TRHDE: variants seen among roughly 807,000 people sequenced by gnomAD.
The protein encoded by TRHDE is thyrotropin-releasing hormone-degrading ectoenzyme.
Under a neutral mutation model 125.7 loss-of-function variants are expected in TRHDE, and 72 were observed. The observed-to-expected ratio is 0.57, with a 90% CI of 0.47 to 0.70. TRHDE has a LOEUF of 0.70. Among genes scored for constraint, TRHDE ranks in the 30% least tolerant of loss-of-function variants. The pLI is 0.00. For synonymous variants in TRHDE, 509 were observed against 509.1 expected (o/e 1.00, Z 0.00); for missense variants, 1,110 against 1,327.1 (o/e 0.84, Z 2.54).
At chr12:72,284,571 A>T (rs1168526716) in intron 1 of TRHDE, among the ~76,000 whole-genome samples, 1 of 152,212 alleles carries the variant, frequency 6.6e-6, no homozygotes, top group Non-Finnish European at 1.5e-5. Context: ...TATTACCATG[A>T]TACTGGCAAA....
Position 72,666,872 on chromosome 12 carries a change from AATTAT to A in TRHDE, c.*3681_*3685del, listed in dbSNP as rs1335275098. ...AATAATTTAATTCATTTAGTTTATT[AATTAT>A]ATTTCCTGTCTGTATCTTTTATTGA... On this transcript the variant is annotated 3_prime_UTR_variant, in exon 19 of 19. Transcript: ENST00000261180. The A allele has an allele frequency of 6.6e-6, 1 of 152,046 alleles. No homozygotes were observed. Among genetic ancestry groups the A allele is most frequent in the Non-Finnish European group, 1.5e-5 (1 of 67,972 alleles). The allele number at this position is 152,046 out of a possible 1,614,324, so 9.4% of individuals were successfully genotyped here. A position where few individuals can be genotyped will look rare whatever the true frequency, so the allele number is the denominator to read the frequency against.
In TRHDE at chr12:72,273,246, C is replaced by T. The variant is rs754981172; in HGVS notation, c.603C>T (p.Ala201=). ...TGCACTACAATCTGATGCTCACCGC[C>T]TTCATGGAGAACTTCACCTTCTCCG... ...KPLHYNLMLT[A]FMENFTFSGE... is the part of the protein sequence containing the mutation. Residue 201 remains alanine (A), a synonymous_variant, in exon 1 of 19, where the codon GCC becomes GCT. Transcript: ENST00000261180. The surrounding 1 kb of genome is among the most constrained non-coding windows in gnomAD (Gnocchi z 5.3). 5.6e-6 allele frequency: 9 copies of T among 1,614,030 alleles called. No individual in the cohort carries two copies. The highest frequency in any genetic ancestry group is 5.0e-5 in the Admixed American group (3 of 60,024).
At chr12:72,490,774 A>C (rs1877637689) in intron 5 of TRHDE, among the ~76,000 whole-genome samples, 1 of 149,322 alleles carries the variant, frequency 6.7e-6, no homozygotes, top group Non-Finnish European at 1.5e-5. Context: ...AAAAAAAAAC[A>C]ACCCTTGAAT....
At chr12:72,242,023 CTTTA>C (rs920406678) in intron 2 of TRHDE, among the ~76,000 whole-genome samples, 21 of 152,184 alleles carry the variant, frequency 1.4e-4, no homozygotes, top group African/African-American at 4.6e-4. Flanking sequence ...TATAACAGTT[CTTTA>C]TTTATTCTGG....
chr12:72,135,434 C>T (rs994146507), intron 2 of TRHDE, among the ~76,000 whole-genome samples: 1 of 152,096 alleles, frequency 6.6e-6, no homozygotes, highest in African/African-American at 2.4e-5. Context: ...TGCCTTAGGT[C>T]TCACATTCAA....
At chr12:72,547,347 C>T (rs983850136) in intron 7 of TRHDE, among the ~76,000 whole-genome samples, 1 of 151,644 alleles carries the variant, frequency 6.6e-6, no homozygotes. Flanking sequence ...TTTTACTAAC[C>T]TCATAACTTC....
chr12:72,311,203 A>AT (rs371883338), intron 2 of TRHDE, among the ~76,000 whole-genome samples: 2,150 of 149,644 alleles, frequency 0.014, 25 homozygotes, highest in Middle Eastern at 0.067. Context: ...GCAACCACTG[A>AT]TTTTTTTTTT....
intron 3 of TRHDE, among the ~76,000 whole-genome samples, chr12:72,467,920 T>C (rs756585683): frequency 6.6e-6 from 1 of 152,246 alleles, no homozygotes; most frequent in Non-Finnish European, 1.5e-5. Context: ...GTTGACTATT[T>C]TATTCTTTCT....
Position 72,660,851 on chromosome 12 carries a change from C to T in TRHDE, c.3067-2201C>T, listed in dbSNP as rs1232291009. On this transcript the variant is annotated intron_variant, in intron 18 of 18. Coordinates refer to ENST00000261180, the MANE Select transcript of TRHDE (RefSeq NM_013381.3). Reference sequence around the variant, plus strand: ...CCAAAGAGTGGAAGAAATAAGCAAACTAGAATGCTAACTGCCTTTCTTTTA... The same window carrying T: ...CCAAAGAGTGGAAGAAATAAGCAAATTAGAATGCTAACTGCCTTTCTTTTA... Among the ~76,000 whole-genome samples, 4 of 152,248 alleles carry T rather than the reference C, an allele frequency of 2.6e-5. No homozygotes were observed. The South Asian group carries it at 8.3e-4, about 32-fold the overall frequency.
intron 2 of TRHDE, among the ~76,000 whole-genome samples, chr12:72,372,820 G>A (rs546860818): frequency 6.2e-4 from 95 of 152,290 alleles, no homozygotes; most frequent in African/African-American, 2.2e-3. Context: ...AAGTCAGGTA[G>A]CGTGATGCCT....
At chr12:72,331,852 A>G (rs1434217048) in intron 2 of TRHDE, among the ~76,000 whole-genome samples, 1 of 152,240 alleles carries the variant, frequency 6.6e-6, no homozygotes, top group Admixed American at 6.5e-5. Flanking sequence ...CCAACTCTAC[A>G]TAAAGGAAAG....
rs538104819 is a variant in TRHDE, at chr12:72,104,333, G to A, written n.175-1315G>A. Among the ~76,000 whole-genome samples the A allele has an allele frequency of 9.2e-5, 14 of 152,274 alleles. No homozygotes were observed. The South Asian group carries it at 1.4e-3, about 16-fold the overall frequency. On this transcript the variant is annotated intron_variant and non_coding_transcript_variant, in intron 1 of 4. Transcript: ENST00000548156. The stretch of plus-strand genomic sequence containing the variant: ...AGCAGAGGAGAGAAGATGCATGTGT[G>A]TGGCTTGGGTCATCTCTTGCTTCTG...
chr12:72,121,693 C>T (rs1196950845), intron 2 of TRHDE, among the ~76,000 whole-genome samples: 1 of 149,970 alleles, frequency 6.7e-6, no homozygotes, highest in African/African-American at 2.5e-5. Context: ...TGATAGCTCA[C>T]CTGCTTTTTG....
At chr12:72,241,415 G>A (rs1362730936) in intron 2 of TRHDE, among the ~76,000 whole-genome samples, 1 of 152,078 alleles carries the variant, frequency 6.6e-6, no homozygotes, top group African/African-American at 2.4e-5. Context: ...ATAACCTTTT[G>A]AGATTGGCTT....
At chr12:72,281,207 C>T (rs1238880773) in intron 1 of TRHDE, among the ~76,000 whole-genome samples, 2 of 152,244 alleles carry the variant, frequency 1.3e-5, no homozygotes, top group East Asian at 3.9e-4. Flanking sequence ...AGACTACACA[C>T]TTGCTTATAG....
chr12:72,161,623 G>C (rs1431866045), intron 2 of TRHDE, among the ~76,000 whole-genome samples: 2 of 151,998 alleles, frequency 1.3e-5, no homozygotes, highest in Non-Finnish European at 2.9e-5. Flanking sequence ...TTTTTTTTCT[G>C]GGTTATCTGT....
chr12:72,670,427 T>G lies in TRHDE; in HGVS notation c.*7232T>G. On this transcript the variant is annotated 3_prime_UTR_variant, in exon 19 of 19. Transcript: ENST00000261180. ...TTCTGTATTTTAAGCAGAAAAAATA[T>G]GAATTCTGCCTCTGATAATCAAATT... The G allele has an allele frequency of 6.6e-6, 1 of 151,742 alleles. No homozygotes were observed. 9.4% of individuals were successfully genotyped at this position (151,742 alleles called of 1,614,324 possible).
chr12:72,315,062 A>G lies in TRHDE; in HGVS notation c.1188+28108A>G, dbSNP rs79469258. ...ATATATCTGTATAACTTACATTAGG[A>G]TGATTTCTTAACATTTATTCAGAGT... On this transcript the variant is annotated intron_variant, in intron 2 of 18. Transcript: ENST00000261180. Among the ~76,000 whole-genome samples the G allele has an allele frequency of 1.4e-3, 220 of 152,322 alleles. 5 individuals carry two copies. The East Asian group carries it at 0.035, about 24-fold the overall frequency.
chr12:72,574,482 T>C (rs2136026718), intron 10 of TRHDE, among the ~76,000 whole-genome samples: 1 of 152,268 alleles, frequency 6.6e-6, no homozygotes, highest in African/African-American at 2.4e-5. Flanking sequence ...AACTGTGAAC[T>C]GTGTTTCCAT....
Sources: gnomAD v4.1 joint callset for allele counts (sites outside exome capture counted in the v4.1 genomes callset) on GRCh38, gnomAD v4.1.1 for gene constraint, Gnocchi (gnomAD v3.1) non-coding constraint, MANE v1.5 for transcripts, NCBI Gene and HGNC (gene_info 2026-07-23, HGNC 2026-07-21) for gene names.